The following CCNE2 variants were observed in gnomAD, a reference collection of about 807,000 sequenced individuals.
The protein encoded by CCNE2 is G1/S-specific cyclin-E2.
In CCNE2, 18 loss-of-function variants were observed where a neutral mutation model predicts 56.8. That is an observed-to-expected ratio of 0.32 (90% CI 0.22 to 0.47). The LOEUF (loss-of-function observed/expected upper bound fraction) is 0.47. Ranked by LOEUF, CCNE2 falls within the 20% of genes least tolerant of loss-of-function variation. CCNE2 has a pLI of 1.00. For missense variants in CCNE2, 371 were observed against 467.1 expected, an observed-to-expected ratio of 0.79 and a Z score of 1.90; for synonymous variants, 139 against 149.2, an observed-to-expected ratio of 0.93 and a Z score of 0.50.
intron 5 of CCNE2, 37 bp downstream of exon 5, chr8:94,892,781 T>C (rs781377825): frequency 8.4e-7 from 1 of 1,193,912 alleles, no homozygotes; most frequent in Non-Finnish European, 1.2e-6. Context: ...AGCACAACTT[T>C]ATATCTTTGA....
In CCNE2 at chr8:94,881,513, C is replaced by G; in HGVS notation, c.*119G>C. 1 of 905,864 alleles carries G rather than the reference C, an allele frequency of 1.1e-6. No homozygotes were observed. The highest frequency in any genetic ancestry group is 2.7e-5 in the Admixed American group (1 of 37,114). 56.1% of individuals were successfully genotyped at this position (905,864 alleles called of 1,614,324 possible). A position where few individuals can be genotyped will look rare whatever the true frequency, so the allele number is the denominator to read the frequency against. ...TTTTAAAATCAGAATGGCAGTGTAA[C>G]TTGTGAATTGGCTAGGGCAATCAAT... On this transcript the variant is annotated 3_prime_UTR_variant, in exon 12 of 12. Transcript: ENST00000308108.
At chr8:94,892,420 T>A (rs1817280219) in intron 5 of CCNE2, among the ~76,000 whole-genome samples, 1 of 152,218 alleles carries the variant, frequency 6.6e-6, no homozygotes, top group African/African-American at 2.4e-5. Flanking sequence ...AAGAATTAAG[T>A]ATAGACCTTA....
chr8:94,888,267 A>C (rs1391093197), intron 6 of CCNE2, among the ~76,000 whole-genome samples, 194 bp from the exon 7 acceptor site: 1 of 152,224 alleles, frequency 6.6e-6, no homozygotes, highest in Non-Finnish European at 1.5e-5. Flanking sequence ...TACTAGTTTT[A>C]TAGTTTTTCT....
chr8:94,882,318 CA>C (rs1816853177), intron 10 of CCNE2, 29 bp from the exon 11 acceptor site: 1 of 1,547,986 alleles, frequency 6.5e-7, no homozygotes, highest in South Asian at 1.2e-5. Context: ...GTTAGAAAAG[CA>C]TGAAGGTTGT....
At position 94,894,126 on chromosome 8, in the gene CCNE2, T is replaced by G; in HGVS notation, c.15-7A>C. 1 of 1,613,532 alleles carries G rather than the reference T, an allele frequency of 6.2e-7. No homozygotes were observed. On this transcript the variant is annotated splice_polypyrimidine_tract_variant and splice_region_variant and intron_variant, in intron 2 of 11. Transcript: ENST00000308108. The stretch of plus-strand genomic sequence containing the variant: ...CTTAGCTTGTAAACGGCTACTGTAG[T>G]GAATTTTTAAAAAGGAAGTGTAATT...
chr8:94,884,481 G>C (rs1816958864), intron 9 of CCNE2: 1 of 154,674 alleles, frequency 6.5e-6, no homozygotes, highest in African/African-American at 2.4e-5. Flanking sequence ...CAAGTAACAT[G>C]TTGGCTAGGC....
At position 94,880,718 on chromosome 8, in the gene CCNE2, C is replaced by A; in HGVS notation, c.*914G>T. ...TCACAATGGAGGAATTTAGAAAGGA[C>A]CTTAACAGTTTCACAAACATAAATA... is the stretch of plus-strand genomic sequence containing the variant. On this transcript the variant is annotated 3_prime_UTR_variant, in exon 12 of 12. Transcript: ENST00000308108. 1 of 395,324 alleles carries A rather than the reference C, an allele frequency of 2.5e-6. No homozygotes were observed. Among genetic ancestry groups the A allele is most frequent in the Non-Finnish European group, 4.5e-6 (1 of 224,666 alleles). The allele number at this position is 395,324 out of a possible 1,614,324, so 24.5% of individuals were successfully genotyped here.
At chr8:94,893,182 A>C (rs1817308211) in intron 4 of CCNE2, among the ~76,000 whole-genome samples, 1 of 152,226 alleles carries the variant, frequency 6.6e-6, no homozygotes, top group Non-Finnish European at 1.5e-5. Context: ...TTAGACAACA[A>C]AATGCAATTC....
chr8:94,894,148 AATT>A (rs1343143684), intron 2 of CCNE2, 29 bp from the exon 3 acceptor site: 1 of 1,613,580 alleles, frequency 6.2e-7, no homozygotes, highest in South Asian at 1.1e-5. Context: ...AAGGAAGTGT[AATT>A]AGTAAGTTAA....
chr8:94,886,618 T>G (rs978312702), intron 7 of CCNE2, among the ~76,000 whole-genome samples: 2 of 152,172 alleles, frequency 1.3e-5, no homozygotes, highest in African/African-American at 4.8e-5. Flanking sequence ...GGAGGATCAC[T>G]GTAGCCTCGG....
chr8:94,894,635 GT>G (rs780330068), intron 1 of CCNE2: 61 of 184,908 alleles, frequency 3.3e-4, no homozygotes, highest in Admixed American at 5.3e-4. Context: ...AGAGGGGGTT[GT>G]GGAGGCGAAA....
At chr8:94,882,381 A>T in intron 10 of CCNE2, 92 bp from the exon 11 acceptor site, 1 of 1,073,924 alleles carries the variant, frequency 9.3e-7, no homozygotes, top group Middle Eastern at 2.7e-4. Context: ...TGTTTTTGAG[A>T]TATTTTAAAA....
At position 94,892,921 on chromosome 8, in the gene CCNE2, T is replaced by C; in HGVS notation, c.214A>G (p.Ile72Val). The change falls in exon 5 of 12, where the codon ATT becomes GTT. Residue 72 changes from isoleucine (I) to valine (V), a missense_variant. Coordinates refer to ENST00000308108, the MANE Select transcript of CCNE2 (RefSeq NM_057749.3). ...CCTATTTCTTTGTGAGGTGTTTCAA[T>C]GATAATGCAAGGACTGATCCCCCCA... is the stretch of plus-strand genomic sequence containing the variant. ...LSGGISPCIIIETPHKEIGTS... is the reference protein window; with the variant it reads ...LSGGISPCIIVETPHKEIGTS... The C allele has an allele frequency of 6.5e-7, 1 of 1,548,716 alleles. No homozygotes were observed. The highest frequency in any genetic ancestry group is 8.6e-7 in the Non-Finnish European group (1 of 1,156,716).
At chr8:94,891,680 A>C (rs75047158) in intron 5 of CCNE2, 14 of 526,330 alleles carry the variant, frequency 2.7e-5, no homozygotes, top group East Asian at 2.0e-4. Context: ...AAAAAAAAAA[A>C]CACCATGAAG....
chr8:94,895,245 C>G (rs1817451205), upstream of CCNE2: 1 of 985,580 alleles, frequency 1.0e-6, no homozygotes, highest in Non-Finnish European at 1.2e-6. Context: ...GGGCCGGTCC[C>G]GCCCCGCACG....
chr8:94,890,053 C>T (rs1423474255), intron 6 of CCNE2, among the ~76,000 whole-genome samples: 3 of 152,138 alleles, frequency 2.0e-5, no homozygotes, highest in African/African-American at 7.2e-5. Context: ...AAAAAGACTT[C>T]AGAGGGCCCT....
At chr8:94,886,510 C>G (rs886390034) in intron 7 of CCNE2, among the ~76,000 whole-genome samples, 8 of 152,092 alleles carry the variant, frequency 5.3e-5, no homozygotes, top group East Asian at 3.9e-4. Flanking sequence ...AGTTTAAGAC[C>G]AGCGTGAGCA....
In CCNE2 at chr8:94,881,556, TA is replaced by T; in HGVS notation, c.*75del. On this transcript the variant is annotated 3_prime_UTR_variant, in exon 12 of 12. Coordinates refer to ENST00000308108, the MANE Select transcript of CCNE2 (RefSeq NM_057749.3). ...CAATCAATCACAGCACTACTTTCTGTAAAACTTTAGTAGTTCAGTGATACCA... is the reference window on the plus strand; with the variant it reads ...CAATCAATCACAGCACTACTTTCTGTAAACTTTAGTAGTTCAGTGATACCA... The T allele has an allele frequency of 1.3e-6, 2 of 1,481,818 alleles. No individual in the cohort carries two copies. The highest frequency in any genetic ancestry group is 1.8e-6 in the Non-Finnish European group (2 of 1,083,322). 91.8% of individuals were successfully genotyped at this position (1,481,818 alleles called of 1,614,324 possible).
chr8:94,882,075 T>C, intron 11 of CCNE2, 57 bp downstream of exon 11: 1 of 1,522,638 alleles, frequency 6.6e-7, no homozygotes, highest in Non-Finnish European at 8.9e-7. Flanking sequence ...CTACCATCAG[T>C]TTTGGTGACT....
Sources: allele counts gnomAD v4.1 joint callset (sites outside exome capture counted in the v4.1 genomes callset), GRCh38; gene constraint gnomAD v4.1.1; transcripts MANE v1.5; gene names NCBI Gene and HGNC (gene_info 2026-07-23, HGNC 2026-07-21).